DLC1: variants seen among roughly 807,000 people sequenced by gnomAD.
DLC1 encodes the protein rho GTPase-activating protein 7.
In DLC1, 54 loss-of-function variants were observed where a neutral mutation model predicts 140.3. The observed-to-expected ratio is 0.38, with a 90% confidence interval of 0.31 to 0.48. The LOEUF is 0.48. Ranked by LOEUF, DLC1 falls within the 20% of genes least tolerant of loss-of-function variation. The probability of loss-of-function intolerance (pLI) is 0.96; values close to 1 mark genes in which losing one functional copy is unlikely to be tolerated. For missense variants in DLC1, 2,536 were observed against 1,907.0 expected, an observed-to-expected ratio of 1.33 and a Z score of -6.14; for synonymous variants, 986 against 728.1, an observed-to-expected ratio of 1.35 and a Z score of -5.70.
chr8:13,440,121 ACTTT>A (rs1483443250), intron 2 of DLC1, among the ~76,000 whole-genome samples: 3 of 152,170 alleles, frequency 2.0e-5, no homozygotes, highest in Non-Finnish European at 4.4e-5. Flanking sequence ...GGACATTCAT[ACTTT>A]CTTTATTACG....
intron 1 of DLC1, among the ~76,000 whole-genome samples, chr8:13,507,305 T>C (rs1394669443): frequency 1.3e-5 from 2 of 152,172 alleles, no homozygotes; most frequent in Non-Finnish European, 2.9e-5. Context: ...CCAGGGAAGA[T>C]ATTATGTTTC....
chr8:13,341,319 C>A (rs1258081925), intron 4 of DLC1: 1 of 152,148 alleles, frequency 6.6e-6, no homozygotes, highest in African/African-American at 2.4e-5. Flanking sequence ...AGGAATGCAG[C>A]TATGAGTGTC....
chr8:13,551,014 A>G (rs1409672585), intron 1 of DLC1, among the ~76,000 whole-genome samples: 1 of 150,666 alleles, frequency 6.6e-6, no homozygotes, highest in East Asian at 2.0e-4. Context: ...TTCCACAAAA[A>G]GCACATTTAA....
At position 13,487,011 on chromosome 8, in the gene DLC1, G is replaced by A. The variant is rs563587494; in HGVS notation, c.1023+12038C>T. On this transcript the variant is annotated intron_variant, in intron 2 of 17. Transcript: ENST00000276297. ...CTCCCTGTGCTTCTGTGGATGGGGT[G>A]AGGCAAATTATCCACCGGCCCTCTG... 1.1e-4 allele frequency among the ~76,000 whole-genome samples: 16 copies of A among 152,284 alleles called. No individual in the cohort carries two copies. The East Asian group carries it at 1.7e-3, about 17-fold the overall frequency.
chr8:13,484,092 C>A (rs1281706254), intron 2 of DLC1, among the ~76,000 whole-genome samples: 1 of 151,830 alleles, frequency 6.6e-6, no homozygotes, highest in Non-Finnish European at 1.5e-5. Context: ...AATAAATAAA[C>A]AAGTAAATAA....
rs546926773 is a variant in DLC1 at position 13,237,254 on chromosome 8, CAT to C, written c.1348+68013_1348+68014del. On this transcript the variant is annotated intron_variant, in intron 5 of 17. Transcript: ENST00000276297. ...ATATATATATATACACACACACACA[CAT>C]ATATGTGAGTATATAGGTGTATATA... Among the ~76,000 whole-genome samples the C allele has an allele frequency of 3.8e-3, 484 of 126,110 alleles. 4 individuals are homozygous for C. Among genetic ancestry groups the C allele is most frequent in the African/African-American group, 0.013 (452 of 34,434 alleles). The allele number at this position is 126,110 out of a possible 152,430, so 82.7% of individuals were successfully genotyped here.
intron 1 of DLC1, among the ~76,000 whole-genome samples, chr8:13,576,628 C>G (rs1329327247): frequency 6.6e-6 from 1 of 150,892 alleles, no homozygotes; most frequent in Non-Finnish European, 1.5e-5. Flanking sequence ...ACAAATTTAA[C>G]TGGTGTGCAG....
At chr8:13,166,929 A>G (rs1825147002) in intron 5 of DLC1, among the ~76,000 whole-genome samples, 1 of 152,142 alleles carries the variant, frequency 6.6e-6, no homozygotes, top group Non-Finnish European at 1.5e-5. Flanking sequence ...AGGTGGCAGA[A>G]AAAGAAGCTT....
At chr8:13,313,942 T>G (rs1225864244) in intron 4 of DLC1, among the ~76,000 whole-genome samples, 1 of 152,134 alleles carries the variant, frequency 6.6e-6, no homozygotes, top group Non-Finnish European at 1.5e-5. Context: ...GTGATGATAT[T>G]CTACTTGGGT....
chr8:13,484,249 G>C (rs28428173), intron 2 of DLC1, among the ~76,000 whole-genome samples: 1 of 152,148 alleles, frequency 6.6e-6, no homozygotes, highest in Non-Finnish European at 1.5e-5. Context: ...AGATCATGAA[G>C]ATGTAAAATT....
Position 13,375,662 on chromosome 8 carries a change from T to C in DLC1, c.1314+17891A>G, listed in dbSNP as rs1026082855. 3.3e-5 allele frequency among the ~76,000 whole-genome samples: 5 copies of C among 152,188 alleles called. No individual in the cohort carries two copies. In the East Asian group the frequency reaches 9.7e-4, roughly 29 times the overall value. On this transcript the variant is annotated intron_variant, in intron 4 of 17. Coordinates refer to ENST00000276297, the MANE Select transcript of DLC1 (RefSeq NM_182643.3). ...CTGTGGGTCTGTCATAAATAGCTCT[T>C]ATTATTTTGAGATACGTATCTTCTA... is the stretch of plus-strand genomic sequence containing the variant.
intron 2 of DLC1, among the ~76,000 whole-genome samples, chr8:13,479,238 G>C (rs1000881711): frequency 2.0e-5 from 3 of 152,176 alleles, no homozygotes; most frequent in African/African-American, 7.2e-5. Context: ...AAATAAGAAA[G>C]TTAAAAATAT....
Position 13,260,149 on chromosome 8 carries a change from C to T in DLC1, c.1348+45120G>A, listed in dbSNP as rs573129008. ...CTTTCCAGATAACAGAAAATCTTCC[C>T]AAGCAGGTAGAGGTGCTTTGGTTTG... On this transcript the variant is annotated intron_variant, in intron 5 of 17. Coordinates refer to ENST00000276297, the MANE Select transcript of DLC1 (RefSeq NM_182643.3). Among the ~76,000 whole-genome samples the T allele has an allele frequency of 4.6e-5, 7 of 152,228 alleles. No homozygotes were observed. The South Asian group carries it at 1.5e-3, about 32-fold the overall frequency.
chr8:13,401,858 A>G (rs1837315008), intron 2 of DLC1, among the ~76,000 whole-genome samples: 1 of 152,224 alleles, frequency 6.6e-6, no homozygotes, highest in Admixed American at 6.5e-5. Flanking sequence ...TGCAATGAAA[A>G]AAGAAGTATA....
chr8:13,270,844 C>T (rs1158709072), intron 5 of DLC1, among the ~76,000 whole-genome samples: 9 of 152,106 alleles, frequency 5.9e-5, no homozygotes. Context: ...GTATCAAGAA[C>T]TGAAACTGAA....
intron 4 of DLC1, among the ~76,000 whole-genome samples, chr8:13,345,006 G>A (rs981153493): frequency 1.6e-4 from 24 of 152,160 alleles, no homozygotes; most frequent in Admixed American, 3.3e-4. Flanking sequence ...CTGAAGAGGT[G>A]CATAGAATCA....
chr8:13,284,510 G>C (rs1312032364), intron 5 of DLC1, among the ~76,000 whole-genome samples: 2 of 151,992 alleles, frequency 1.3e-5, no homozygotes, highest in African/African-American at 2.4e-5. Context: ...CTGGGTGACA[G>C]AGCAAGATTC....
chr8:13,571,695 C>T (rs556527272), intron 1 of DLC1, among the ~76,000 whole-genome samples: 1 of 152,280 alleles, frequency 6.6e-6, no homozygotes, highest in East Asian at 1.9e-4. Context: ...GTTTGTGCAC[C>T]TGCTTTCGAT....
intron 1 of DLC1, chr8:13,557,829 T>G (rs937461609): frequency 6.6e-6 from 1 of 152,064 alleles, no homozygotes; most frequent in African/African-American, 2.4e-5. Flanking sequence ...TAGATCCAGG[T>G]GTCTAAGTTA....
Sources: allele counts gnomAD v4.1 joint callset (sites outside exome capture counted in the v4.1 genomes callset), GRCh38; gene constraint gnomAD v4.1.1; transcripts MANE v1.5; gene names NCBI Gene and HGNC (gene_info 2026-07-23, HGNC 2026-07-21).